Variants in NRXN1 observed in about 807,000 individuals in gnomAD.
NRXN1 encodes the protein neurexin 1.
In NRXN1, 39 loss-of-function variants were observed where a neutral mutation model predicts 150.9. The observed-to-expected ratio is 0.26, with a 90% CI of 0.20 to 0.34. The LOEUF is 0.34. Among genes scored for constraint, NRXN1 ranks in the 10% least tolerant of loss-of-function variants. The probability of loss-of-function intolerance (pLI) is 1.00; values close to 1 mark genes in which losing one functional copy is unlikely to be tolerated. For synonymous variants in NRXN1, 924 were observed against 757.0 expected, an observed-to-expected ratio of 1.22 and a Z score of -3.62; for missense variants, 1,815 against 1,949.9, an observed-to-expected ratio of 0.93 and a Z score of 1.30.
chr2:50,958,254 G>C lies in NRXN1; in HGVS notation c.773-32299C>G, dbSNP rs560780166. Among the ~76,000 whole-genome samples the C allele has an allele frequency of 3.4e-4, 51 of 152,126 alleles. No homozygotes were observed. In the South Asian group the frequency reaches 9.1e-3, roughly 27 times the overall value. ...GCTGCAAAATAAAACTCCTTGCTTT[G>C]GAGCTCAACATTAATAAGCTTTCTG... On this transcript the variant is annotated intron_variant, in intron 2 of 22. Transcript: ENST00000401669.
chr2:49,994,232 T>C (rs1187663884), intron 21 of NRXN1, among the ~76,000 whole-genome samples: 1 of 152,202 alleles, frequency 6.6e-6, no homozygotes, highest in Non-Finnish European at 1.5e-5. Flanking sequence ...AAACCTGGGC[T>C]TCTCTGGTGT....
chr2:50,166,311 GTGTGTGTGTGTGTT>G (rs1217884599), intron 18 of NRXN1, among the ~76,000 whole-genome samples: 58 of 144,890 alleles, frequency 4.0e-4, no homozygotes, highest in African/African-American at 1.5e-3. Context: ...GTGTGTGTGT[GTGTGTGTGTGTGTT>G]TGTGTGTGTG....
chr2:50,227,363 C>A (rs953837087), intron 18 of NRXN1, among the ~76,000 whole-genome samples: 1 of 151,964 alleles, frequency 6.6e-6, no homozygotes, highest in African/African-American at 2.4e-5. Context: ...TTCAAATTGA[C>A]AACTGAACAG....
chr2:50,337,137 G>A (rs531421784), intron 17 of NRXN1, among the ~76,000 whole-genome samples: 8 of 146,348 alleles, frequency 5.5e-5, no homozygotes, highest in Non-Finnish European at 1.0e-4. Context: ...AGGCTGGAGT[G>A]TGCAATGGCT....
chr2:50,462,936 G>A (rs1400308944), intron 17 of NRXN1, among the ~76,000 whole-genome samples: 1 of 151,688 alleles, frequency 6.6e-6, no homozygotes, highest in Non-Finnish European at 1.5e-5. Flanking sequence ...GGTCTCATTT[G>A]TAATGTGGCA....
intron 10 of NRXN1, among the ~76,000 whole-genome samples, chr2:50,533,910 T>C (rs1031543153): frequency 1.3e-5 from 2 of 152,136 alleles, no homozygotes; most frequent in Admixed American, 6.6e-5. Context: ...TCAATATATA[T>C]TCATCATTTC....
intron 17 of NRXN1, among the ~76,000 whole-genome samples, chr2:50,323,424 AACC>A (rs748556168): frequency 1.1e-4 from 17 of 152,160 alleles, no homozygotes; most frequent in Non-Finnish European, 1.9e-4. Context: ...ATGAGACTAG[AACC>A]ACTAAAGAGC....
At chr2:50,401,405 C>A (rs2082382343) in intron 17 of NRXN1, among the ~76,000 whole-genome samples, 1 of 152,130 alleles carries the variant, frequency 6.6e-6, no homozygotes, top group South Asian at 2.1e-4. Context: ...TGAAAGCAGA[C>A]ATGTGTCCTT....
At chr2:49,938,561 G>A (rs1425324965) in intron 22 of NRXN1, among the ~76,000 whole-genome samples, 1 of 151,654 alleles carries the variant, frequency 6.6e-6, no homozygotes, top group Non-Finnish European at 1.5e-5. Flanking sequence ...TTATTCAATG[G>A]AACTCTTCTT....
At chr2:50,797,713 A>T (rs1022199775) in intron 5 of NRXN1, among the ~76,000 whole-genome samples, 1 of 152,174 alleles carries the variant, frequency 6.6e-6, no homozygotes, top group Non-Finnish European at 1.5e-5. Flanking sequence ...TAATTTATGC[A>T]AGGTACCTAT....
At chr2:50,374,294 AAAAT>A (rs71404951) in intron 17 of NRXN1, among the ~76,000 whole-genome samples, 2,379 of 136,542 alleles carry the variant, frequency 0.017, 28 homozygotes, top group Admixed American at 0.022. Context: ...CTGTCTCAAG[AAAAT>A]AAATAAATAA....
At chr2:50,219,331 C>A in intron 18 of NRXN1, among the ~76,000 whole-genome samples, 1 of 146,676 alleles carries the variant, frequency 6.8e-6, no homozygotes, top group South Asian at 2.2e-4. Context: ...GACTAATATT[C>A]CAATACAAAA....
intron 5 of NRXN1, among the ~76,000 whole-genome samples, chr2:50,647,572 A>G (rs1559070440): frequency 6.6e-6 from 1 of 151,970 alleles, no homozygotes; most frequent in African/African-American, 2.4e-5. Context: ...AGCGCATACT[A>G]TGGGGAATAT....
At chr2:50,076,913 C>A (rs1697203037) in intron 19 of NRXN1, among the ~76,000 whole-genome samples, 1 of 152,208 alleles carries the variant, frequency 6.6e-6, no homozygotes. Flanking sequence ...TGAGCATCAT[C>A]TGACCTGGTG....
chr2:50,761,526 T>C (rs1701804470), intron 5 of NRXN1, among the ~76,000 whole-genome samples: 1 of 151,928 alleles, frequency 6.6e-6, no homozygotes. Flanking sequence ...GAATTGTGAG[T>C]TCATTAAGCC....
intron 2 of NRXN1, chr2:50,979,227 A>G (rs1263378192): frequency 3.9e-6 from 2 of 515,238 alleles, no homozygotes; most frequent in Non-Finnish European, 7.7e-6. Flanking sequence ...GATATGAGAA[A>G]AGACTAAGAT....
intron 12 of NRXN1, among the ~76,000 whole-genome samples, chr2:50,527,349 T>G (rs72880042): frequency 1.3e-5 from 2 of 152,168 alleles, no homozygotes; most frequent in African/African-American, 2.4e-5. Flanking sequence ...CTTTTAGGAA[T>G]GCATGGAGGA....
At chr2:50,606,708 C>A (rs771854820) in intron 8 of NRXN1, among the ~76,000 whole-genome samples, 8 of 151,904 alleles carry the variant, frequency 5.3e-5, no homozygotes, top group Non-Finnish European at 1.0e-4. Context: ...AGCCACCCAT[C>A]AATTTTACAG....
chr2:50,565,881 A>G (rs928384459), intron 8 of NRXN1, among the ~76,000 whole-genome samples: 5 of 152,128 alleles, frequency 3.3e-5, no homozygotes, highest in Admixed American at 6.5e-5. Context: ...TGGAAGGGCA[A>G]TGTCCCGAGT....
Sources: gnomAD v4.1 joint callset for allele counts (sites outside exome capture counted in the v4.1 genomes callset) on GRCh38, gnomAD v4.1.1 for gene constraint, MANE v1.5 for transcripts, NCBI Gene and HGNC (gene_info 2026-07-23, HGNC 2026-07-21) for gene names.